The following OR2L13 variants were observed in gnomAD, a reference collection of about 807,000 sequenced individuals.
The protein encoded by OR2L13 is olfactory receptor 2L13.
In OR2L13, 14 loss-of-function variants were observed where a neutral mutation model predicts 15.3. That is an observed-to-expected ratio of 0.91 (90% confidence interval 0.60 to 1.43). The LOEUF (loss-of-function observed/expected upper bound fraction) is 1.43, where lower values mean the gene tolerates loss of function less well. Ranked by LOEUF, OR2L13 falls within the 40% of genes most tolerant of loss-of-function variation. OR2L13 has a pLI of 0.00. For synonymous variants in OR2L13, 152 were observed against 142.9 expected, an observed-to-expected ratio of 1.06 and a Z score of -0.45; for missense variants, 367 against 387.9, an observed-to-expected ratio of 0.95 and a Z score of 0.45.
chr1:248,038,959 A>C, the OR2L13 span: 2 of 1,614,000 alleles, frequency 1.2e-6, no homozygotes, highest in Non-Finnish European at 1.7e-6. Context: ...CACTCTGCAG[A>C]AGGGAGGAAG....
the OR2L13 span, among the ~76,000 whole-genome samples, chr1:247,995,633 C>T: frequency 9.8e-5 from 15 of 152,292 alleles, no homozygotes; most frequent in Admixed American, 7.2e-4. Context: ...TTTTACTATA[C>T]ATATGTCTAT....
the OR2L13 span, among the ~76,000 whole-genome samples, chr1:247,945,745 CA>C: frequency 6.6e-6 from 1 of 152,084 alleles, no homozygotes; most frequent in Non-Finnish European, 1.5e-5. Flanking sequence ...TTTAACATTA[CA>C]AAATGCCCTT....
At chr1:247,997,176 C>G in the OR2L13 span, 3 of 152,090 alleles carry the variant, frequency 2.0e-5, no homozygotes, top group African/African-American at 7.2e-5. Context: ...TGGAGAAATT[C>G]AAATACTTTT....
chr1:247,985,009 C>T, the OR2L13 span, among the ~76,000 whole-genome samples: 359 of 152,270 alleles, frequency 2.4e-3, 2 homozygotes, highest in African/African-American at 7.7e-3. Flanking sequence ...GCTTATTTCA[C>T]TGAGCATAAT....
chr1:247,966,115 G>C, the OR2L13 span: 2 of 1,609,726 alleles, frequency 1.2e-6, no homozygotes. Flanking sequence ...CCACCTGATT[G>C]TGGCAAGCCT....
At chr1:248,027,803 C>G in the OR2L13 span, among the ~76,000 whole-genome samples, 1 of 152,084 alleles carries the variant, frequency 6.6e-6, no homozygotes, top group African/African-American at 2.4e-5. Context: ...ATGACTTCAC[C>G]ACTCACGCCT....
At chr1:248,014,474 T>C in the OR2L13 span, among the ~76,000 whole-genome samples, 1 of 152,138 alleles carries the variant, frequency 6.6e-6, no homozygotes, top group Admixed American at 6.6e-5. Context: ...TTGCAATATA[T>C]TTATTTTTTT....
At chr1:248,003,575 A>G in the OR2L13 span, 1 of 1,612,396 alleles carries the variant, frequency 6.2e-7, no homozygotes, top group Non-Finnish European at 8.5e-7. Flanking sequence ...AGGATCTTGG[A>G]TCATAGGCTC....
the OR2L13 span, among the ~76,000 whole-genome samples, chr1:248,069,654 G>T: frequency 1.3e-5 from 2 of 152,106 alleles, no homozygotes; most frequent in South Asian, 2.1e-4. Context: ...TGGACTAAAT[G>T]CTCTAATTAA....
At chr1:247,994,961 C>G in the OR2L13 span, among the ~76,000 whole-genome samples, 7 of 152,314 alleles carry the variant, frequency 4.6e-5, 1 homozygote, top group Middle Eastern at 0.024. Flanking sequence ...GATGATCTCA[C>G]TTTCCTTAGT....
At chr1:247,971,445 A>G in the OR2L13 span, among the ~76,000 whole-genome samples, 1 of 152,348 alleles carries the variant, frequency 6.6e-6, no homozygotes, top group African/African-American at 2.4e-5. Context: ...AATTTGTTAT[A>G]GTTTAAACCT....
chr1:248,097,634 C>A (rs938948808), intron 1 of OR2L13, among the ~76,000 whole-genome samples: 1 of 152,126 alleles, frequency 6.6e-6, no homozygotes, highest in African/African-American at 2.4e-5. Context: ...GTCTATGCAA[C>A]AAAGAATCAA....
chr1:247,974,978 A>G, the OR2L13 span: 2 of 308,010 alleles, frequency 6.5e-6, no homozygotes, highest in Non-Finnish European at 1.3e-5. Context: ...TTGTCCCCAG[A>G]TGTTTTCTGA....
chr1:248,031,708 A>T, the OR2L13 span, among the ~76,000 whole-genome samples: 60 of 152,228 alleles, frequency 3.9e-4, no homozygotes, highest in Non-Finnish European at 7.5e-4. Context: ...TTAAGTAAAC[A>T]CAAAGTCAAA....
chr1:248,020,756 T>G, the OR2L13 span, among the ~76,000 whole-genome samples: 1 of 152,022 alleles, frequency 6.6e-6, no homozygotes, highest in African/African-American at 2.4e-5. Context: ...TGACTTGGAA[T>G]TATTATTTTT....
the OR2L13 span, among the ~76,000 whole-genome samples, chr1:248,052,375 T>C: frequency 1.3e-5 from 2 of 152,206 alleles, no homozygotes; most frequent in Non-Finnish European, 1.5e-5. Flanking sequence ...TGTTGAGCTA[T>C]ATGTCTGGTG....
At chr1:247,992,819 A>G in the OR2L13 span, among the ~76,000 whole-genome samples, 2 of 147,174 alleles carry the variant, frequency 1.4e-5, no homozygotes, top group African/African-American at 2.6e-5. Flanking sequence ...GCTGTTGTGA[A>G]TAGTGCAGCA....
chr1:248,073,031 C>T, the OR2L13 span, among the ~76,000 whole-genome samples: 407 of 151,774 alleles, frequency 2.7e-3, 2 homozygotes, highest in Non-Finnish European at 4.8e-3. Flanking sequence ...GTTGGTGGGA[C>T]TGTAAACTAG....
chr1:248,081,898 A>C, the OR2L13 span, among the ~76,000 whole-genome samples: 4 of 152,286 alleles, frequency 2.6e-5, no homozygotes, highest in Non-Finnish European at 5.9e-5. Context: ...GTTCTAAAAC[A>C]AGCCCCTTTT....
Sources: gnomAD v4.1 joint callset for allele counts (sites outside exome capture counted in the v4.1 genomes callset) on GRCh38, gnomAD v4.1.1 for gene constraint, MANE v1.5 for transcripts, NCBI Gene and HGNC (gene_info 2026-07-23, HGNC 2026-07-21) for gene names.